The following GPLD1 variants were observed in gnomAD, a reference collection of about 807,000 sequenced individuals.
The protein encoded by GPLD1 is glycosylphosphatidylinositol specific phospholipase D1, also known as phosphatidylinositol-glycan-specific phospholipase D.
Under a neutral mutation model 112.6 loss-of-function variants are expected in GPLD1, and 84 were observed. That is an observed-to-expected ratio of 0.75 (90% CI 0.63 to 0.89). The LOEUF (loss-of-function observed/expected upper bound fraction) is 0.89, where lower values mean the gene tolerates loss of function less well. Ranked by LOEUF, GPLD1 falls within the 40% of genes least tolerant of loss-of-function variation. GPLD1 has a pLI of 0.00. For missense variants in GPLD1, 1,044 were observed against 1,051.5 expected, an observed-to-expected ratio of 0.99 and a Z score of 0.10; for synonymous variants, 386 against 403.8, an observed-to-expected ratio of 0.96 and a Z score of 0.53.
At chr6:24,441,930 G>T (rs10946700) in intron 20 of GPLD1, among the ~76,000 whole-genome samples, 42,336 of 149,374 alleles carry the variant, frequency 0.28, 6,452 homozygotes, top group African/African-American at 0.39. Context: ...ATAACCTGAT[G>T]GTGACATTAA....
At chr6:24,461,510 C>A (rs1405003190) in intron 11 of GPLD1, among the ~76,000 whole-genome samples, 1 of 152,084 alleles carries the variant, frequency 6.6e-6, no homozygotes, top group African/African-American at 2.4e-5. Context: ...CTTAAATATC[C>A]CGGTTAAGCC....
chr6:24,475,094 T>G (rs773420360), intron 5 of GPLD1, 27 bp downstream of exon 5: 1 of 1,126,230 alleles, frequency 8.9e-7, no homozygotes, highest in Non-Finnish European at 1.4e-6. Flanking sequence ...TCCCATAAAG[T>G]CATTCCCCAT....
At chr6:24,424,598 G>A (rs1762165366), downstream of GPLD1, 2 of 152,096 alleles carry the variant, frequency 1.3e-5, no homozygotes, top group Non-Finnish European at 1.5e-5. Context: ...TAAAACAAAT[G>A]GCTAATATTT....
rs6942189 is a variant in GPLD1, at chr6:24,429,021, C to G, written c.*11G>C. The G allele has an allele frequency of 6.3e-7, 1 of 1,576,960 alleles. No homozygotes were observed. The highest frequency in any genetic ancestry group is 1.4e-5 in the African/African-American group (1 of 73,954). Reference sequence around the variant, plus strand: ...GAGAGGTGGGCAGAGTGGGGAAATGCAGTGAAATCTTCAATCTGAGCCAAG... The same window carrying G: ...GAGAGGTGGGCAGAGTGGGGAAATGGAGTGAAATCTTCAATCTGAGCCAAG... On this transcript the variant is annotated 3_prime_UTR_variant, in exon 25 of 25. Transcript: ENST00000230036.
At chr6:24,481,745 GGAGA>G (rs1215619953) in intron 2 of GPLD1, among the ~76,000 whole-genome samples, 15 of 152,242 alleles carry the variant, frequency 9.9e-5, no homozygotes. Flanking sequence ...TTCCCCACGT[GGAGA>G]GATATAGAAA....
At chr6:24,469,587 A>G (rs9461021) in intron 7 of GPLD1, among the ~76,000 whole-genome samples, 2 of 110,830 alleles carry the variant, frequency 1.8e-5, no homozygotes, top group African/African-American at 7.1e-5. Context: ...ATGAGATCAC[A>G]TGGACACAGG....
intron 24 of GPLD1, among the ~76,000 whole-genome samples, chr6:24,431,458 CTCTCTG>C (rs1762401846): frequency 6.6e-6 from 1 of 151,988 alleles, no homozygotes; most frequent in Non-Finnish European, 1.5e-5. Flanking sequence ...GGACTCTGCC[CTCTCTG>C]TTTTTATTTC....
At chr6:24,461,194 C>T (rs1049460722) in intron 11 of GPLD1, among the ~76,000 whole-genome samples, 4 of 152,120 alleles carry the variant, frequency 2.6e-5, no homozygotes, top group South Asian at 4.2e-4. Context: ...GGACAACAGC[C>T]GTAAGTGACG....
At chr6:24,443,143 G>A (rs148928404) in intron 20 of GPLD1, among the ~76,000 whole-genome samples, 4 of 152,250 alleles carry the variant, frequency 2.6e-5, no homozygotes, top group African/African-American at 4.8e-5. Flanking sequence ...GCTTGAGAGC[G>A]TCATTACAAG....
chr6:24,433,187 C>T lies in GPLD1; in HGVS notation c.2436G>A (p.Lys812=), dbSNP rs370164582. The change falls in exon 24 of 25, where the codon AAG becomes AAA. Residue 812 remains lysine (K), a splice_region_variant and synonymous_variant. Transcript: ENST00000230036. ...AATGAAGTTCAGTCCTTGGGCTCACCTTTGCCTTGGACCTCACGGTGATGA... is the reference window on the plus strand; with the variant it reads ...AATGAAGTTCAGTCCTTGGGCTCACTTTTGCCTTGGACCTCACGGTGATGA... ...SSLITVRSKA[K]NQVVIAAGRS... 1 of 1,608,880 alleles carries T rather than the reference C, an allele frequency of 6.2e-7. No homozygotes were observed. Among genetic ancestry groups the T allele is most frequent in the Non-Finnish European group, 8.5e-7 (1 of 1,175,360 alleles).
chr6:24,493,170 T>C (rs906667767), upstream of GPLD1, among the ~76,000 whole-genome samples: 17 of 152,154 alleles, frequency 1.1e-4, no homozygotes, highest in African/African-American at 3.9e-4. Flanking sequence ...CCTCAGTTGA[T>C]TGAGGCCTCA....
rs750892832 is a variant in GPLD1, at chr6:24,466,921, A to T, written c.672T>A (p.Ala224=). 1 of 1,611,582 alleles carries T rather than the reference A, an allele frequency of 6.2e-7. No homozygotes were observed. Residue 224 remains alanine (A), a synonymous_variant, in exon 9 of 25, where the codon GCT becomes GCA. Transcript: ENST00000230036. ...QFLEMYGEML[A]VSKLYPTYST... ...AGAATGACGCCTTTACCTTGGAAAC[A>T]GCTAGCATCTCACCATACCTGCAAA...
chr6:24,478,626 C>T (rs1294338649), intron 3 of GPLD1, among the ~76,000 whole-genome samples: 1 of 152,144 alleles, frequency 6.6e-6, no homozygotes, highest in African/African-American at 2.4e-5. Context: ...ATAAAGAGAA[C>T]TGACAGATCA....
At chr6:24,485,956 A>C (rs1290068471) in intron 2 of GPLD1, 119 bp downstream of exon 2, 1 of 660,028 alleles carries the variant, frequency 1.5e-6, no homozygotes, top group Non-Finnish European at 2.7e-6. Flanking sequence ...GGCATGAGCC[A>C]CCACGCCCAG....
upstream of GPLD1, among the ~76,000 whole-genome samples, chr6:24,491,194 T>C (rs1298746269): frequency 6.6e-6 from 1 of 152,132 alleles, no homozygotes; most frequent in Non-Finnish European, 1.5e-5. Flanking sequence ...ACACCCCTTC[T>C]GGCCACCAGA....
intron 2 of GPLD1, among the ~76,000 whole-genome samples, chr6:24,481,655 T>C (rs556405676): frequency 1.3e-5 from 2 of 152,246 alleles, no homozygotes; most frequent in African/African-American, 2.4e-5. Flanking sequence ...TCCCCAAGAC[T>C]TCTCCACTAG....
At chr6:24,495,258 G>T, upstream of GPLD1, 2 of 1,532,444 alleles carry the variant, frequency 1.3e-6, no homozygotes, top group Non-Finnish European at 1.7e-6. Context: ...CGCCGCTCTG[G>T]GCATGGTAGC....
rs146454030 is a variant in GPLD1 at position 24,456,984 on chromosome 6, C to T, written c.1009-347G>A. Among the ~76,000 whole-genome samples the T allele has an allele frequency of 8.1e-3, 1,230 of 152,286 alleles. 17 individuals are homozygous for T. Among genetic ancestry groups the T allele is most frequent in the African/African-American group, 0.027 (1,127 of 41,570 alleles). On this transcript the variant is annotated intron_variant, in intron 12 of 24. Coordinates refer to ENST00000230036, the MANE Select transcript of GPLD1 (RefSeq NM_001503.4). Reference sequence around the variant, plus strand: ...CCCCTGGGTTCAAGCAATTCTCCTGCCTTAGCCTCCCTAGTAGCTGGGATT... The same window carrying T: ...CCCCTGGGTTCAAGCAATTCTCCTGTCTTAGCCTCCCTAGTAGCTGGGATT...
chr6:24,443,353 G>A (rs747950851), intron 20 of GPLD1, among the ~76,000 whole-genome samples: 2 of 152,148 alleles, frequency 1.3e-5, no homozygotes, highest in Non-Finnish European at 2.9e-5. Flanking sequence ...CTGCTTAATT[G>A]ATCACAGGTT....
Sources: allele counts gnomAD v4.1 joint callset (sites outside exome capture counted in the v4.1 genomes callset), GRCh38; gene constraint gnomAD v4.1.1; transcripts MANE v1.5; gene names NCBI Gene and HGNC (gene_info 2026-07-23, HGNC 2026-07-21).